The following WDR44 variants were observed in gnomAD, a reference collection of about 807,000 sequenced individuals.
The protein encoded by WDR44 is WD repeat-containing protein 44.
WDR44 carries 9 observed loss-of-function variants against 65.7 expected under a neutral mutation model. That is an observed-to-expected ratio of 0.14 (90% CI 0.08 to 0.24). WDR44 has a LOEUF of 0.24. WDR44 is among the 10% of genes least tolerant of loss of function. The pLI, the probability that WDR44 is intolerant of heterozygous loss-of-function variation, is 1.00. For missense variants in WDR44, 425 were observed against 670.9 expected (o/e 0.63, Z 4.05); for synonymous variants, 220 against 235.2 (o/e 0.94, Z 0.59).
In WDR44 at chrX:118,346,287, T is replaced by C; in HGVS notation, c.-217T>C. 1.2e-5 allele frequency: 5 copies of C among 414,876 alleles called. No homozygotes were observed. The highest frequency in any genetic ancestry group is 2.1e-5 in the Non-Finnish European group (5 of 237,920). The allele number at this position is 414,876 out of a possible 1,213,427, so 34.2% of individuals were successfully genotyped here. On this transcript the variant is annotated 5_prime_UTR_variant, in exon 1 of 20. Coordinates refer to ENST00000254029, the MANE Select transcript of WDR44 (RefSeq NM_019045.5). ...AACATTCCCTGGACCAACCGCCGCC[T>C]CTTCAGGCGGCCGCTTTGCCGGTCA... is the stretch of plus-strand genomic sequence containing the variant.
At chrX:118,440,703 A>G (rs1255988047) in intron 14 of WDR44, among the ~76,000 whole-genome samples, 1 of 111,770 alleles carries the variant, frequency 8.9e-6, no homozygotes, top group Admixed American at 9.7e-5. Context: ...AGGTTAACTG[A>G]GAATCATGTT....
At chrX:118,373,234 C>T (rs1420640593) in intron 1 of WDR44, among the ~76,000 whole-genome samples, 1 of 110,518 alleles carries the variant, frequency 9.0e-6, no homozygotes, top group Non-Finnish European at 1.9e-5. Context: ...TTTAGGGTCC[C>T]TAAAGTGTAT....
At chrX:118,430,969 A>G (rs1160059759) in intron 12 of WDR44, among the ~76,000 whole-genome samples, 1 of 112,190 alleles carries the variant, frequency 8.9e-6, no homozygotes, top group Non-Finnish European at 1.9e-5. Context: ...GGCAAAGGTT[A>G]CAGGAGTCTG....
At chrX:118,367,571 A>C in intron 1 of WDR44, among the ~76,000 whole-genome samples, 1 of 111,781 alleles carries the variant, frequency 8.9e-6, no homozygotes, top group South Asian at 3.7e-4. Flanking sequence ...GAGAGGCTGC[A>C]TGGGTTATTA....
In WDR44 at chrX:118,349,800, G is replaced by C. The variant is rs772619642; in HGVS notation, c.77+3220G>C. On this transcript the variant is annotated intron_variant, in intron 1 of 19. Transcript: ENST00000254029. ...CCTAACCTCATGGTCCGCCCGCCTC[G>C]GCCTCCCACAGTGCTGGGATTACAG... 2.7e-5 allele frequency among the ~76,000 whole-genome samples: 3 copies of C among 111,246 alleles called. No homozygotes were observed. The South Asian group carries it at 1.1e-3, about 42-fold the overall frequency.
chrX:118,436,938 T>C, intron 14 of WDR44, 114 bp downstream of exon 14: 1 of 697,695 alleles, frequency 1.4e-6, no homozygotes, highest in Admixed American at 4.5e-5. Context: ...TACATAGTTA[T>C]GAGCAATTTA....
chrX:118,366,620 C>T (rs763835980), intron 1 of WDR44, among the ~76,000 whole-genome samples: 1 of 110,435 alleles, frequency 9.1e-6, no homozygotes, highest in Admixed American at 9.8e-5. Flanking sequence ...ATAAACCAAA[C>T]GTACAAAAAT....
intron 2 of WDR44, among the ~76,000 whole-genome samples, chrX:118,381,236 A>AG (rs2056712906): frequency 8.9e-6 from 1 of 111,764 alleles, no homozygotes; most frequent in Admixed American, 9.5e-5. Flanking sequence ...TGGGAGGCTG[A>AG]GACGGGCAGA....
intron 12 of WDR44, among the ~76,000 whole-genome samples, chrX:118,414,749 A>G (rs2057042074): frequency 8.9e-6 from 1 of 111,876 alleles, no homozygotes; most frequent in African/African-American, 3.2e-5. Context: ...AACTGTGCTG[A>G]ATTCTTTTAT....
At chrX:118,359,623 C>G (rs1488599918) in intron 1 of WDR44, among the ~76,000 whole-genome samples, 1 of 111,933 alleles carries the variant, frequency 8.9e-6, no homozygotes, top group East Asian at 2.8e-4. Context: ...AACAAAGTTT[C>G]CTTTGATTTC....
Position 118,432,908 on chromosome X carries a change from A to G in WDR44, c.1851+14A>G, listed in dbSNP as rs2057224666. The G allele has an allele frequency of 8.7e-7, 1 of 1,154,531 alleles. No individual in the cohort carries two copies. The highest frequency in any genetic ancestry group is 2.2e-5 in the Admixed American group (1 of 45,433). On this transcript the variant is annotated intron_variant, in intron 13 of 19. Transcript: ENST00000254029. ...TCATGGTCTAAAGTAAGAAATTCTTATTTGAATCATATAGTAATTCTGCGT... is the reference window on the plus strand; with the variant it reads ...TCATGGTCTAAAGTAAGAAATTCTTGTTTGAATCATATAGTAATTCTGCGT...
chrX:118,432,632 T>C (rs896813698), intron 12 of WDR44, 149 bp from the exon 13 acceptor site: 2 of 506,355 alleles, frequency 3.9e-6, no homozygotes, highest in Admixed American at 6.5e-5. Flanking sequence ...AGGTGCTAAG[T>C]AGTAAATCAG....
chrX:118,428,929 A>G (rs2057182498), intron 12 of WDR44, among the ~76,000 whole-genome samples: 1 of 111,787 alleles, frequency 8.9e-6, no homozygotes, highest in African/African-American at 3.3e-5. Flanking sequence ...GGAAGCCATT[A>G]TCCTCAACAA....
chrX:118,442,399 G>A, intron 16 of WDR44, 54 bp downstream of exon 16: 1 of 1,048,434 alleles, frequency 9.5e-7, no homozygotes, highest in Non-Finnish European at 1.3e-6. Context: ...ATTCTTGAAA[G>A]TTCTTAATAT....
chrX:118,394,030 A>G, intron 4 of WDR44, 25 bp from the exon 5 acceptor site: 1 of 1,183,518 alleles, frequency 8.4e-7, no homozygotes, highest in East Asian at 3.0e-5. Flanking sequence ...GGTTGTTATT[A>G]TTGTTGTTAT....
rs189645330 is a variant in WDR44 at position 118,359,058 on chromosome X, A to T, written c.77+12478A>T. 6.4e-3 allele frequency among the ~76,000 whole-genome samples: 628 copies of T among 97,449 alleles called. 3 individuals are homozygous for T. Among genetic ancestry groups the T allele is most frequent in the African/African-American group, 0.026 (593 of 22,406 alleles). 84.6% of individuals were successfully genotyped at this position (97,449 alleles called of 115,157 possible). A position where few individuals can be genotyped will look rare whatever the true frequency, so the allele number is the denominator to read the frequency against. On this transcript the variant is annotated intron_variant, in intron 1 of 19. Coordinates refer to ENST00000254029, the MANE Select transcript of WDR44 (RefSeq NM_019045.5). Reference sequence around the variant, plus strand: ...CACTGCACTCCAGCCTGGGCGACAGAGTGAGACTCCATCTCAAAACCAAAA... The same window carrying T: ...CACTGCACTCCAGCCTGGGCGACAGTGTGAGACTCCATCTCAAAACCAAAA...
chrX:118,410,798 A>G (rs2057006611), intron 11 of WDR44, 97 bp from the exon 12 acceptor site: 14 of 690,449 alleles, frequency 2.0e-5, no homozygotes, highest in Non-Finnish European at 3.1e-5. Context: ...TTCTCTAACT[A>G]TTAGACATTG....
chrX:118,374,029 G>C (rs2056636383), intron 1 of WDR44, among the ~76,000 whole-genome samples: 1 of 110,150 alleles, frequency 9.1e-6, no homozygotes, highest in Non-Finnish European at 1.9e-5. Flanking sequence ...ACAGTGGTTT[G>C]CTGCACCCAT....
chrX:118,378,793 G>T (rs527879410), intron 2 of WDR44, among the ~76,000 whole-genome samples: 4 of 105,643 alleles, frequency 3.8e-5, no homozygotes, highest in South Asian at 8.6e-4. Flanking sequence ...CAACACATTG[G>T]GGGGCTGAGG....
Sources: gnomAD v4.1 joint callset for allele counts (sites outside exome capture counted in the v4.1 genomes callset) on GRCh38, gnomAD v4.1.1 for gene constraint, MANE v1.5 for transcripts, NCBI Gene and HGNC (gene_info 2026-07-23, HGNC 2026-07-21) for gene names.